Variants in EPHB2 observed in about 807,000 individuals in gnomAD.
The protein encoded by EPHB2 is ephrin type-B receptor 2.
EPHB2 carries 18 observed loss-of-function variants against 96.4 expected under a neutral mutation model. The ratio of observed to expected loss-of-function variants is 0.19; its 90% CI spans 0.13 to 0.28. The LOEUF (loss-of-function observed/expected upper bound fraction) is 0.28. EPHB2 is among the 10% of genes least tolerant of loss of function. The probability of loss-of-function intolerance (pLI) is 1.00; values close to 1 mark genes in which losing one functional copy is unlikely to be tolerated. For synonymous variants in EPHB2, 506 were observed against 534.1 expected (o/e 0.95, Z 0.72); for missense variants, 989 against 1,355.4 (o/e 0.73, Z 4.25).
chr1:22,852,972 G>A (rs555103730), intron 3 of EPHB2, among the ~76,000 whole-genome samples: 1 of 152,330 alleles, frequency 6.6e-6, no homozygotes, highest in Non-Finnish European at 1.5e-5. Flanking sequence ...CTGTCACCAG[G>A]GGCTCCAGGA....
At chr1:22,716,746 T>C (rs1435263898) in intron 1 of EPHB2, among the ~76,000 whole-genome samples, 1 of 152,168 alleles carries the variant, frequency 6.6e-6, no homozygotes, top group Non-Finnish European at 1.5e-5. Context: ...AGACTGGACC[T>C]CTGCACATAG....
intron 3 of EPHB2, among the ~76,000 whole-genome samples, chr1:22,816,015 C>A (rs569964866): frequency 2.0e-5 from 3 of 152,150 alleles, no homozygotes; most frequent in Non-Finnish European, 2.9e-5. Flanking sequence ...TGCTGTGTCA[C>A]CTGGAGCCAA....
chr1:22,744,421 T>C (rs1643940937), intron 1 of EPHB2, among the ~76,000 whole-genome samples: 1 of 150,376 alleles, frequency 6.6e-6, no homozygotes. Context: ...ACACATATTT[T>C]GTATGTTGTA....
chr1:22,790,747 G>A lies in EPHB2; in HGVS notation c.811+5671G>A, dbSNP rs1055482869. ...GTTCCGCAGTGAGCATGATTGCTGC[G>A]ATGCTATCGGACGTAATGGGATTTT... On this transcript the variant is annotated intron_variant, in intron 3 of 15. Transcript: ENST00000374630. The surrounding 1 kb of genome is among the most constrained non-coding windows in gnomAD (Gnocchi z 4.0). 2.6e-5 allele frequency among the ~76,000 whole-genome samples: 4 copies of A among 152,370 alleles called. No individual in the cohort carries two copies. The highest frequency in any genetic ancestry group is 2.1e-4 in the South Asian group (1 of 4,834).
intron 12 of EPHB2, 82 bp downstream of exon 12, chr1:22,908,250 C>A: frequency 6.5e-7 from 1 of 1,527,002 alleles, no homozygotes; most frequent in Non-Finnish European, 9.0e-7. Flanking sequence ...AAGACACTTT[C>A]ACTAACGCCC....
intron 3 of EPHB2, among the ~76,000 whole-genome samples, chr1:22,828,186 T>A (rs765029524): frequency 2.6e-5 from 4 of 152,202 alleles, no homozygotes; most frequent in Non-Finnish European, 5.9e-5. Flanking sequence ...ATGGCTGTTT[T>A]AGATCTTGTG....
chr1:22,722,617 G>GT (rs1357694571), intron 1 of EPHB2, among the ~76,000 whole-genome samples: 1 of 152,186 alleles, frequency 6.6e-6, no homozygotes. Context: ...ATCCAGGAAC[G>GT]TAAGAGCCAT....
intron 3 of EPHB2, among the ~76,000 whole-genome samples, chr1:22,819,065 C>T (rs1005895627): frequency 2.0e-5 from 3 of 152,118 alleles, no homozygotes; most frequent in Non-Finnish European, 4.4e-5. Flanking sequence ...CCCCCGGAGC[C>T]ATGCTGTGAG....
At chr1:22,859,764 G>T (rs1645764590) in intron 3 of EPHB2, among the ~76,000 whole-genome samples, 2 of 152,178 alleles carry the variant, frequency 1.3e-5, no homozygotes, top group African/African-American at 4.8e-5. Context: ...CTGCACTCCA[G>T]CCTGGGTGAC....
intron 3 of EPHB2, among the ~76,000 whole-genome samples, chr1:22,802,679 G>A (rs887494677): frequency 1.3e-5 from 2 of 151,886 alleles, no homozygotes; most frequent in African/African-American, 4.8e-5. Flanking sequence ...CCAACTCCCT[G>A]GACCTCCTGA....
At chr1:22,734,569 G>A (rs898468375) in intron 1 of EPHB2, among the ~76,000 whole-genome samples, 1 of 151,914 alleles carries the variant, frequency 6.6e-6, no homozygotes, top group Non-Finnish European at 1.5e-5. Flanking sequence ...TTACAGGTGT[G>A]CACCACTGCG....
chr1:22,780,468 G>C (rs1223384714), intron 1 of EPHB2, among the ~76,000 whole-genome samples: 1 of 152,192 alleles, frequency 6.6e-6, no homozygotes, highest in East Asian at 1.9e-4. Context: ...CCTGAGCCCT[G>C]GGGGAGGGGC....
intron 3 of EPHB2, among the ~76,000 whole-genome samples, chr1:22,788,765 T>G (rs963215877): frequency 2.6e-5 from 4 of 151,254 alleles, no homozygotes; most frequent in East Asian, 1.9e-4. Flanking sequence ...TTTTTTTTTT[T>G]TTTTTTTGTG....
chr1:22,791,490 T>C (rs1644692655), intron 3 of EPHB2, among the ~76,000 whole-genome samples: 1 of 136,520 alleles, frequency 7.3e-6, no homozygotes, highest in South Asian at 2.4e-4. Context: ...TTTTTTTTTT[T>C]CCTTTCAGAG....
chr1:22,890,238 G>A (rs1480768939), intron 6 of EPHB2, among the ~76,000 whole-genome samples: 1 of 152,180 alleles, frequency 6.6e-6, no homozygotes, highest in Admixed American at 6.5e-5. Flanking sequence ...AGGGGGCATA[G>A]CAGAAACCCC....
At chr1:22,781,529 C>T in intron 2 of EPHB2, 44 bp downstream of exon 2, 1 of 1,603,410 alleles carries the variant, frequency 6.2e-7, no homozygotes, top group South Asian at 1.1e-5. Flanking sequence ...CCCAGGATCC[C>T]TCAAGCCCTG....
chr1:22,912,435 C>T lies in EPHB2; in HGVS notation c.2697-9C>T, dbSNP rs772539501. The T allele has an allele frequency of 1.4e-5, 23 of 1,613,942 alleles. No homozygotes were observed. Among genetic ancestry groups the T allele is most frequent in the Non-Finnish European group, 1.9e-5 (23 of 1,180,028 alleles). On this transcript the variant is annotated splice_polypyrimidine_tract_variant and intron_variant, in intron 14 of 15. Coordinates refer to ENST00000374630, the MANE Select transcript of EPHB2 (RefSeq NM_017449.5). ...CCTGACCATCTCTGTCGCCCACCCC[C>T]AACCCCAGCATCAACCTGCCGCTGC... is the stretch of plus-strand genomic sequence containing the variant.
chr1:22,721,918 A>C (rs1643476418), intron 1 of EPHB2, among the ~76,000 whole-genome samples: 1 of 151,848 alleles, frequency 6.6e-6, no homozygotes, highest in African/African-American at 2.4e-5. Flanking sequence ...GCCCAGCCTG[A>C]TTTGCAAAGT....
intron 3 of EPHB2, among the ~76,000 whole-genome samples, chr1:22,828,592 C>A (rs995076372): frequency 2.2e-4 from 34 of 152,188 alleles, no homozygotes; most frequent in Non-Finnish European, 5.9e-5. Context: ...GGGAAGGTGA[C>A]GAGGTCAGAC....
Sources: allele counts gnomAD v4.1 joint callset (sites outside exome capture counted in the v4.1 genomes callset), GRCh38; gene constraint gnomAD v4.1.1; non-coding constraint Gnocchi (gnomAD v3.1); transcripts MANE v1.5; gene names NCBI Gene and HGNC (gene_info 2026-07-23, HGNC 2026-07-21).